RPSA2: variants seen among roughly 807,000 people sequenced by gnomAD.
RPSA2 encodes the protein ribosomal protein SA 2, also known as small ribosomal subunit protein uS2B.
chr19:23,772,816 C>G, the RPSA2 span, among the ~76,000 whole-genome samples: 149 of 152,292 alleles, frequency 9.8e-4, 1 homozygote, highest in Non-Finnish European at 1.5e-3. Context: ...TGACACATTT[C>G]TAAACTCAGA....
the RPSA2 span, among the ~76,000 whole-genome samples, chr19:23,777,556 A>T: frequency 6.7e-6 from 1 of 149,624 alleles, no homozygotes; most frequent in African/African-American, 2.5e-5. Flanking sequence ...GGGATGAGAG[A>T]CTCCTGCCTG....
At chr19:23,816,369 C>G in the RPSA2 span, among the ~76,000 whole-genome samples, 2 of 152,104 alleles carry the variant, frequency 1.3e-5, no homozygotes, top group Non-Finnish European at 2.9e-5. Context: ...CTTCTGAGAT[C>G]CAGTGATCAG....
the RPSA2 span, among the ~76,000 whole-genome samples, chr19:23,773,125 ATC>A: frequency 0.98 from 146,798 of 150,074 alleles, 71,887 homozygotes; most frequent in Middle Eastern, 1. Context: ...TGGATGGAGT[ATC>A]TCTCTGTTGC....
At chr19:23,847,171 TC>T in the RPSA2 span, among the ~76,000 whole-genome samples, 1 of 152,038 alleles carries the variant, frequency 6.6e-6, no homozygotes. Context: ...ATTTTCTTTT[TC>T]CTTCATTAAA....
the RPSA2 span, among the ~76,000 whole-genome samples, chr19:23,772,367 A>G: frequency 6.6e-6 from 1 of 151,968 alleles, no homozygotes; most frequent in African/African-American, 2.4e-5. Flanking sequence ...CTCAGGGAAG[A>G]TATCCTTGGC....
the RPSA2 span, among the ~76,000 whole-genome samples, chr19:23,862,414 G>A: frequency 1.3e-5 from 2 of 151,554 alleles, no homozygotes; most frequent in Non-Finnish European, 2.9e-5. Flanking sequence ...CCAACACTAT[G>A]TTGAATAGGA....
At chr19:23,848,649 A>C in the RPSA2 span, among the ~76,000 whole-genome samples, 6 of 152,218 alleles carry the variant, frequency 3.9e-5, no homozygotes, top group Non-Finnish European at 7.3e-5. Context: ...TGTTGTAGGA[A>C]TATGGTGTGA....
the RPSA2 span, among the ~76,000 whole-genome samples, chr19:23,763,751 T>A: frequency 2.0e-5 from 3 of 152,162 alleles, no homozygotes; most frequent in Admixed American, 6.5e-5. Flanking sequence ...AGGAGGAGCA[T>A]GAGGCACTGC....
chr19:23,787,501 CAAGAGGCTGAGGCAGGAG>C, the RPSA2 span, among the ~76,000 whole-genome samples: 3 of 151,436 alleles, frequency 2.0e-5, no homozygotes, highest in African/African-American at 7.3e-5. Context: ...CCCAGCTACT[CAAGAGGCTGAGGCAGGAG>C]AATTGGTTGA....
chr19:23,837,258 T>C, the RPSA2 span, among the ~76,000 whole-genome samples: 3 of 152,168 alleles, frequency 2.0e-5, no homozygotes, highest in African/African-American at 7.2e-5. Context: ...CCCCACTTTA[T>C]GTTTTTGTTT....
the RPSA2 span, among the ~76,000 whole-genome samples, chr19:23,779,908 A>T: frequency 6.6e-6 from 1 of 152,152 alleles, no homozygotes; most frequent in Non-Finnish European, 1.5e-5. Context: ...AACCCAGATG[A>T]TGTGACTCTC....
the RPSA2 span, among the ~76,000 whole-genome samples, chr19:23,863,751 T>C: frequency 1.3e-5 from 2 of 152,122 alleles, no homozygotes; most frequent in African/African-American, 2.4e-5. Context: ...AAAATTCCAT[T>C]TACTGTAAAG....
At chr19:23,824,649 C>G in the RPSA2 span, among the ~76,000 whole-genome samples, 1 of 109,660 alleles carries the variant, frequency 9.1e-6, no homozygotes, top group East Asian at 2.9e-4. Flanking sequence ...GTTCTGACAG[C>G]CTTGACCTCC....
chr19:23,818,645 C>T, the RPSA2 span: 1 of 152,284 alleles, frequency 6.6e-6, no homozygotes, highest in Non-Finnish European at 1.5e-5. Flanking sequence ...TGTGATTTAG[C>T]ATGTAAATAG....
chr19:23,787,971 G>C, the RPSA2 span, among the ~76,000 whole-genome samples: 1 of 152,118 alleles, frequency 6.6e-6, no homozygotes, highest in Non-Finnish European at 1.5e-5. Flanking sequence ...ATATATCTTT[G>C]GGCCTGGGTC....
At chr19:23,837,904 G>C in the RPSA2 span, among the ~76,000 whole-genome samples, 1 of 152,250 alleles carries the variant, frequency 6.6e-6, no homozygotes, top group South Asian at 2.1e-4. Context: ...AACAGGGACA[G>C]TTTGACTTCC....
chr19:23,759,271 C>T, the RPSA2 span, among the ~76,000 whole-genome samples: 7 of 152,016 alleles, frequency 4.6e-5, no homozygotes, highest in South Asian at 2.1e-4. Context: ...GTCCCTACCC[C>T]GACAGCCCCC....
the RPSA2 span, among the ~76,000 whole-genome samples, chr19:23,837,727 A>G: frequency 6.6e-6 from 1 of 152,014 alleles, no homozygotes; most frequent in East Asian, 1.9e-4. Context: ...GTAAAAGGGG[A>G]TGAGTTCTTG....
chr19:23,837,554 T>A, the RPSA2 span, among the ~76,000 whole-genome samples: 1 of 152,230 alleles, frequency 6.6e-6, no homozygotes, highest in African/African-American at 2.4e-5. Flanking sequence ...CTTTTGGCAG[T>A]ATGGTCATTA....
Sources: allele counts gnomAD v4.1 joint callset (sites outside exome capture counted in the v4.1 genomes callset), GRCh38; gene constraint gnomAD v4.1.1; transcripts MANE v1.5; gene names NCBI Gene and HGNC (gene_info 2026-07-23, HGNC 2026-07-21).